Variants in USP7 observed in about 807,000 individuals in gnomAD.
The protein encoded by USP7 is ubiquitin C-terminal hydrolase 7.
USP7 carries 9 observed loss-of-function variants against 162.9 expected under a neutral mutation model. The ratio of observed to expected loss-of-function variants is 0.06; its 90% CI spans 0.03 to 0.10. USP7 has a LOEUF of 0.10. Ranked by LOEUF, USP7 falls within the 10% of genes least tolerant of loss-of-function variation. USP7 has a pLI of 1.00. For missense variants in USP7, 715 were observed against 1,373.7 expected (o/e 0.52, Z 7.58); for synonymous variants, 562 against 475.9 (o/e 1.18, Z -2.35).
chr16:8,915,411 TA>T, intron 9 of USP7, 33 bp downstream of exon 9: 1 of 1,612,528 alleles, frequency 6.2e-7, no homozygotes, highest in Non-Finnish European at 8.5e-7. Context: ...CTAAAACCTT[TA>T]AAAATCATCT....
At position 8,903,608 on chromosome 16, in the gene USP7, G is replaced by A. The variant is rs150790252; in HGVS notation, c.1705-206C>T. Among the ~76,000 whole-genome samples, 593 of 152,172 alleles carry A rather than the reference G, an allele frequency of 3.9e-3. 2 individuals carry two copies. The highest frequency in any genetic ancestry group is 6.8e-3 in the Middle Eastern group (2 of 294). On this transcript the variant is annotated intron_variant, in intron 15 of 30. Transcript: ENST00000344836. ...GAAAAGGAGGCTGTGGGCAGGGCAC[G>A]GTGGCTCATGCACTTTGGGAGGCCG...
chr16:8,906,389 G>C, intron 13 of USP7, 37 bp downstream of exon 13: 3 of 1,596,004 alleles, frequency 1.9e-6, no homozygotes, highest in Non-Finnish European at 2.6e-6. Flanking sequence ...TTAACTTTCT[G>C]ATGAGCTTGC....
intron 1 of USP7, among the ~76,000 whole-genome samples, chr16:8,952,150 T>C (rs761654448): frequency 2.6e-5 from 4 of 152,042 alleles, no homozygotes; most frequent in Non-Finnish European, 2.9e-5. Context: ...CTAGGGAGGC[T>C]GAGGTGGGAG....
At chr16:8,945,276 C>T (rs969064162) in intron 1 of USP7, among the ~76,000 whole-genome samples, 23 of 151,876 alleles carry the variant, frequency 1.5e-4, no homozygotes, top group Non-Finnish European at 3.4e-4. Flanking sequence ...CCCAGCTACT[C>T]GGGAGGCTGA....
chr16:8,928,747 G>A (rs990055580), intron 2 of USP7, among the ~76,000 whole-genome samples: 1 of 152,192 alleles, frequency 6.6e-6, no homozygotes, highest in Non-Finnish European at 1.5e-5. Flanking sequence ...CATCAAGGAG[G>A]TCACAAGAAG....
intron 2 of USP7, among the ~76,000 whole-genome samples, chr16:8,925,092 C>T (rs953694360): frequency 6.6e-6 from 1 of 152,086 alleles, no homozygotes; most frequent in African/African-American, 2.4e-5. Flanking sequence ...CACAGCTGAT[C>T]AGGAGTTAAG....
chr16:8,943,420 C>T (rs183281099), intron 1 of USP7, among the ~76,000 whole-genome samples: 3 of 152,276 alleles, frequency 2.0e-5, no homozygotes, highest in East Asian at 1.9e-4. Context: ...GCAGCACGCA[C>T]GGCCGGAACC....
At chr16:8,915,851 T>C (rs995021767) in intron 8 of USP7, among the ~76,000 whole-genome samples, 5 of 152,228 alleles carry the variant, frequency 3.3e-5, no homozygotes, top group African/African-American at 1.2e-4. Flanking sequence ...CTCGTAATGG[T>C]CCACACCAAG....
chr16:8,913,733 C>T (rs946110181), intron 10 of USP7, among the ~76,000 whole-genome samples: 2 of 152,054 alleles, frequency 1.3e-5, no homozygotes, highest in African/African-American at 2.4e-5. Context: ...TAAAGCACTT[C>T]CCCTCCTCAC....
intron 12 of USP7, among the ~76,000 whole-genome samples, chr16:8,907,786 C>G (rs1391350870): frequency 6.6e-6 from 1 of 152,168 alleles, no homozygotes; most frequent in African/African-American, 2.4e-5. Context: ...TGCACTCCAG[C>G]CTGGGCGACA....
chr16:8,903,153 G>T, intron 16 of USP7, 115 bp downstream of exon 16: 1 of 1,369,876 alleles, frequency 7.3e-7, no homozygotes, highest in Non-Finnish European at 9.9e-7. Context: ...CTCACTGTTA[G>T]GCAGTGGCTG....
chr16:8,946,224 T>C (rs1490573875), intron 1 of USP7, among the ~76,000 whole-genome samples: 1 of 152,040 alleles, frequency 6.6e-6, no homozygotes, highest in Non-Finnish European at 1.5e-5. Context: ...TCTGTCATGA[T>C]GGGTAGGGCA....
intron 1 of USP7, among the ~76,000 whole-genome samples, chr16:8,941,380 CT>C (rs1281694217): frequency 1.3e-5 from 2 of 152,184 alleles, no homozygotes; most frequent in Non-Finnish European, 1.5e-5. Flanking sequence ...CGGTTAACAA[CT>C]TTTTAACAAA....
chr16:8,934,915 C>T (rs372236149), intron 1 of USP7, among the ~76,000 whole-genome samples: 2 of 152,306 alleles, frequency 1.3e-5, no homozygotes, highest in South Asian at 4.1e-4. Flanking sequence ...GTTAGTTCCG[C>T]AAGAGGATTA....
At chr16:8,962,723 G>GA (rs1567253361) in intron 1 of USP7, 1 of 169,806 alleles carries the variant, frequency 5.9e-6, no homozygotes, top group African/African-American at 2.4e-5. Context: ...AGTGCTGTTA[G>GA]AAAGTGATTT....
intron 26 of USP7, among the ~76,000 whole-genome samples, chr16:8,896,159 T>TTA (rs1479220380): frequency 7.4e-6 from 1 of 135,372 alleles, no homozygotes; most frequent in Non-Finnish European, 1.6e-5. Flanking sequence ...TTTTTTTTTT[T>TTA]AAAGAGGATC....
At chr16:8,897,726 A>AAAAAAT (rs1555461671) in intron 25 of USP7, among the ~76,000 whole-genome samples, 2 of 7,134 alleles carry the variant, frequency 2.8e-4, no homozygotes, top group African/African-American at 5.6e-4. Flanking sequence ...AAAAAAAAAA[A>AAAAAAT]ATATATATAT....
intron 1 of USP7, among the ~76,000 whole-genome samples, chr16:8,945,607 G>C (rs1899241717): frequency 6.6e-6 from 1 of 152,134 alleles, no homozygotes; most frequent in Non-Finnish European, 1.5e-5. Context: ...CATGGAGTGG[G>C]AGACAGCACA....
chr16:8,901,411 C>G (rs145151865), intron 18 of USP7, among the ~76,000 whole-genome samples, 177 bp from the exon 19 acceptor site: 2 of 152,000 alleles, frequency 1.3e-5, no homozygotes, highest in African/African-American at 4.8e-5. Context: ...GGCTTATTCA[C>G]GAAGCTGAGG....
Sources: allele counts gnomAD v4.1 joint callset (sites outside exome capture counted in the v4.1 genomes callset), GRCh38; gene constraint gnomAD v4.1.1; transcripts MANE v1.5; gene names NCBI Gene and HGNC (gene_info 2026-07-23, HGNC 2026-07-21).